GPR137B: variants seen among roughly 807,000 people sequenced by gnomAD.
GPR137B encodes G protein-coupled receptor 137B, also known as integral membrane protein GPR137B.
Under a neutral mutation model 42.5 loss-of-function variants are expected in GPR137B, and 42 were observed. The ratio of observed to expected loss-of-function variants is 0.99; its 90% confidence interval spans 0.77 to 1.28. The LOEUF is 1.28. Ranked by LOEUF, GPR137B falls within the 50% of genes most tolerant of loss-of-function variation. The pLI is 0.00. For synonymous variants in GPR137B, 218 were observed against 209.7 expected, an observed-to-expected ratio of 1.04 and a Z score of -0.34; for missense variants, 487 against 493.9, an observed-to-expected ratio of 0.99 and a Z score of 0.13.
chr1:236,183,979 T>C, intron 5 of GPR137B, 73 bp downstream of exon 5: 1 of 1,044,782 alleles, frequency 9.6e-7, no homozygotes, highest in Non-Finnish European at 1.4e-6. Flanking sequence ...TTAGAACTTT[T>C]TCTTCATTTT....
intron 5 of GPR137B, among the ~76,000 whole-genome samples, chr1:236,188,250 T>C (rs998121289): frequency 1.3e-5 from 2 of 152,212 alleles, no homozygotes; most frequent in Non-Finnish European, 1.5e-5. Flanking sequence ...TCTAAATATA[T>C]GATCATGTCA....
intron 2 of GPR137B, among the ~76,000 whole-genome samples, 200 bp from the exon 3 acceptor site, chr1:236,178,214 T>C (rs148183927): frequency 3.4e-4 from 52 of 152,282 alleles, no homozygotes; most frequent in South Asian, 2.3e-3. Flanking sequence ...AAAGTGGGGT[T>C]CAGAGAGGTA....
intron 1 of GPR137B, among the ~76,000 whole-genome samples, chr1:236,151,335 T>C (rs1249863248): frequency 6.6e-6 from 1 of 152,018 alleles, no homozygotes; most frequent in Non-Finnish European, 1.5e-5. Flanking sequence ...ATGGTTTTAC[T>C]CTGCAAGTGG....
rs1246948166 is a variant in GPR137B at position 236,151,430 on chromosome 1, T to C, written c.414+8394T>C. ...CTGTTGCATATTCATTTTTTTTTTTTTTTTTTTTTTTTGAGACAGAGTCTT... is the reference window on the plus strand; with the variant it reads ...CTGTTGCATATTCATTTTTTTTTTTCTTTTTTTTTTTTGAGACAGAGTCTT... On this transcript the variant is annotated intron_variant, in intron 1 of 6. Coordinates refer to ENST00000366592, the MANE Select transcript of GPR137B (RefSeq NM_003272.4). 1.5e-4 allele frequency among the ~76,000 whole-genome samples: 22 copies of C among 145,380 alleles called. No individual in the cohort carries two copies. In the South Asian group the frequency reaches 4.4e-3, roughly 29 times the overall value.
At position 236,142,634 on chromosome 1, in the gene GPR137B, G is replaced by A. The variant is rs1328277515; in HGVS notation, c.12G>A (p.Glu4=). The A allele has an allele frequency of 1.9e-5, 28 of 1,473,938 alleles. No homozygotes were observed. The highest frequency in any genetic ancestry group is 2.4e-5 in the Admixed American group (1 of 41,960). 91.3% of individuals were successfully genotyped at this position (1,473,938 alleles called of 1,614,324 possible). ...GGCCGTGAGCCCCGATGAGGCCCGA[G>A]CGTCCCCGGCCGCGCGGCAGCGCCC... The part of the protein sequence containing the change: MRP[E]RPRPRGSAPG... The change falls in exon 1 of 7, where the codon GAG becomes GAA. Residue 4 remains glutamate (E), a synonymous_variant. Coordinates refer to ENST00000366592, the MANE Select transcript of GPR137B (RefSeq NM_003272.4).
At chr1:236,207,457 A>G (rs1236766414) in intron 6 of GPR137B, among the ~76,000 whole-genome samples, 8 of 152,002 alleles carry the variant, frequency 5.3e-5, no homozygotes, top group Non-Finnish European at 1.2e-4. Flanking sequence ...GAGCTGTCCC[A>G]CCCTCTCACC....
intron 5 of GPR137B, 52 bp from the exon 6 acceptor site, chr1:236,205,074 G>A (rs1663614770): frequency 4.0e-6 from 6 of 1,498,640 alleles, no homozygotes; most frequent in East Asian, 4.7e-5. Context: ...ATTTTTGTCT[G>A]GTGCAAGGCA....
intron 1 of GPR137B, among the ~76,000 whole-genome samples, chr1:236,144,107 A>G (rs1173799337): frequency 6.6e-6 from 1 of 151,784 alleles, no homozygotes; most frequent in Non-Finnish European, 1.5e-5. Flanking sequence ...TTTTTGAGAA[A>G]AAGTCACTTA....
intron 5 of GPR137B, among the ~76,000 whole-genome samples, chr1:236,186,112 T>G (rs1663008867): frequency 6.8e-6 from 1 of 147,504 alleles, no homozygotes; most frequent in African/African-American, 2.5e-5. Context: ...TACTTAATTC[T>G]TTTTTATTGC....
intron 5 of GPR137B, among the ~76,000 whole-genome samples, chr1:236,185,629 C>T (rs541524081): frequency 6.6e-6 from 1 of 152,344 alleles, no homozygotes; most frequent in Non-Finnish European, 1.5e-5. Flanking sequence ...GATCACAGCT[C>T]ACCTCAGCCT....
At chr1:236,187,920 C>T (rs981444998) in intron 5 of GPR137B, among the ~76,000 whole-genome samples, 4 of 152,112 alleles carry the variant, frequency 2.6e-5, no homozygotes, top group African/African-American at 9.7e-5. Flanking sequence ...TTACTTTGGG[C>T]AGTATGGCCA....
At chr1:236,186,616 C>T (rs911787987) in intron 5 of GPR137B, among the ~76,000 whole-genome samples, 2 of 151,352 alleles carry the variant, frequency 1.3e-5, no homozygotes, top group African/African-American at 4.9e-5. Context: ...TGTCAGCTTG[C>T]TGAGAATGAT....
intron 5 of GPR137B, among the ~76,000 whole-genome samples, chr1:236,202,515 A>G (rs1345296734): frequency 6.6e-6 from 1 of 152,042 alleles, no homozygotes; most frequent in Non-Finnish European, 1.5e-5. Flanking sequence ...TTCCTGGAGC[A>G]AAAGTCCATG....
At chr1:236,201,416 A>C (rs199520098) in intron 5 of GPR137B, among the ~76,000 whole-genome samples, 8 of 151,624 alleles carry the variant, frequency 5.3e-5, no homozygotes, top group East Asian at 1.9e-4. Context: ...AACACCAATT[A>C]TTATGTTTGG....
Position 236,168,755 on chromosome 1 carries a change from G to T in GPR137B, c.464G>T (p.Arg155Leu). The T allele has an allele frequency of 6.3e-7, 1 of 1,593,536 alleles. No homozygotes were observed. The highest frequency in any genetic ancestry group is 1.1e-5 in the South Asian group (1 of 90,676). The change falls in exon 2 of 7, where the codon CGG becomes CTG. Residue 155 changes from arginine (R) to leucine (L), a missense_variant and splice_region_variant. Transcript: ENST00000366592. ...TATTCTCCAGAATTACTCAAATACC[G>T]GTAAGTACTGCAGGGCATCTCTTTC... ...SKYSPELLKY[R>L]LPLYLASLFI...
At chr1:236,185,682 T>G (rs931127569) in intron 5 of GPR137B, among the ~76,000 whole-genome samples, 2 of 152,132 alleles carry the variant, frequency 1.3e-5, no homozygotes, top group Non-Finnish European at 2.9e-5. Context: ...TAGTCTTGCA[T>G]GTAGCTGGGA....
intron 2 of GPR137B, among the ~76,000 whole-genome samples, chr1:236,175,528 G>A (rs978810188): frequency 1.3e-5 from 2 of 152,176 alleles, no homozygotes; most frequent in Admixed American, 6.5e-5. Context: ...TCCATCTAGC[G>A]CTCTTCACAA....
chr1:236,173,532 C>T (rs1364182995), intron 2 of GPR137B, among the ~76,000 whole-genome samples: 2 of 152,122 alleles, frequency 1.3e-5, no homozygotes, highest in Non-Finnish European at 2.9e-5. Context: ...TAGGAGGTGT[C>T]GGGCACTGTT....
chr1:236,156,444 G>T lies in GPR137B; in HGVS notation c.415-12262G>T, dbSNP rs578016144. On this transcript the variant is annotated intron_variant, in intron 1 of 6. Transcript: ENST00000366592. This position sits in a 1 kb window ranked among gnomAD's most constrained non-coding sequence, Gnocchi z 4.8. The stretch of plus-strand genomic sequence containing the variant: ...GTTACCTTCACTGCCACGGACACAG[G>T]ACTATGAGTGGGGCTGTGGTGGTGG... 7.9e-5 allele frequency among the ~76,000 whole-genome samples: 12 copies of T among 152,346 alleles called. No homozygotes were observed. In the South Asian group the frequency reaches 1.7e-3, roughly 21 times the overall value.
Sources: gnomAD v4.1 joint callset for allele counts (sites outside exome capture counted in the v4.1 genomes callset) on GRCh38, gnomAD v4.1.1 for gene constraint, Gnocchi (gnomAD v3.1) non-coding constraint, MANE v1.5 for transcripts, NCBI Gene and HGNC (gene_info 2026-07-23, HGNC 2026-07-21) for gene names.